AUH: variants seen among roughly 807,000 people sequenced by gnomAD.
The protein encoded by AUH is AU RNA binding methylglutaconyl-CoA hydratase, also known as methylglutaconyl-CoA hydratase, mitochondrial.
AUH carries 29 observed loss-of-function variants against 42.3 expected under a neutral mutation model. That is an observed-to-expected ratio of 0.69 (90% CI 0.51 to 0.93). The LOEUF (loss-of-function observed/expected upper bound fraction) is 0.93. Among genes scored for constraint, AUH ranks in the 40% least tolerant of loss-of-function variants. AUH has a pLI of 0.00. For missense variants in AUH, 452 were observed against 438.1 expected (o/e 1.03, Z -0.28); for synonymous variants, 174 against 166.4 (o/e 1.05, Z -0.35).
Position 91,214,248 on chromosome 9 carries a change from T to C in AUH, c.*100A>G, listed in dbSNP as rs1420706903. The stretch of plus-strand genomic sequence containing the variant: ...CGTATGAATAATCTGCTCTTCACTT[T>C]GGTCATTAAGGTTCCATGTGCTGAG... On this transcript the variant is annotated 3_prime_UTR_variant, in exon 10 of 10. Transcript: ENST00000375731. 3.7e-5 allele frequency: 36 copies of C among 980,600 alleles called. No homozygotes were observed. The Admixed American group carries it at 4.4e-4, about 12-fold the overall frequency. 60.7% of individuals were successfully genotyped at this position (980,600 alleles called of 1,614,324 possible). A position where few individuals can be genotyped will look rare whatever the true frequency, so the allele number is the denominator to read the frequency against.
chr9:91,325,248 G>A (rs1470025510), intron 4 of AUH, 70 bp downstream of exon 4: 12 of 1,234,506 alleles, frequency 9.7e-6, no homozygotes, highest in Non-Finnish European at 1.4e-5. Context: ...TATATATAAT[G>A]TGTAACTTTT....
chr9:91,225,710 C>T (rs1189416919), intron 6 of AUH, among the ~76,000 whole-genome samples: 2 of 138,838 alleles, frequency 1.4e-5, no homozygotes, highest in East Asian at 4.6e-4. Flanking sequence ...CCTCCCCCCA[C>T]CACACCACAG....
intron 6 of AUH, among the ~76,000 whole-genome samples, chr9:91,256,762 G>A (rs189103521): frequency 6.6e-6 from 1 of 152,144 alleles, no homozygotes; most frequent in Admixed American, 6.5e-5. Context: ...GAGAACACTG[G>A]TGGCAACCTG....
intron 4 of AUH, among the ~76,000 whole-genome samples, chr9:91,317,871 C>T (rs544608003): frequency 6.6e-5 from 10 of 152,354 alleles, no homozygotes; most frequent in Admixed American, 1.3e-4. Context: ...CCTCAATCTA[C>T]TGAGATACAC....
At chr9:91,328,076 A>G (rs759573094) in intron 3 of AUH, among the ~76,000 whole-genome samples, 12 of 152,184 alleles carry the variant, frequency 7.9e-5, no homozygotes, top group Non-Finnish European at 1.2e-4. Flanking sequence ...GGGGCAGCAA[A>G]GATTTCTGGC....
chr9:91,307,788 G>T (rs1409838425), intron 4 of AUH, among the ~76,000 whole-genome samples: 1 of 152,106 alleles, frequency 6.6e-6, no homozygotes, highest in Non-Finnish European at 1.5e-5. Context: ...ACAGGGTTTG[G>T]TATCATCTGT....
At chr9:91,222,733 C>T (rs995413599) in intron 6 of AUH, among the ~76,000 whole-genome samples, 2 of 152,100 alleles carry the variant, frequency 1.3e-5, no homozygotes, top group African/African-American at 4.8e-5. Context: ...TATATTTACT[C>T]ATGGAGCTGA....
intron 6 of AUH, among the ~76,000 whole-genome samples, chr9:91,285,655 C>T (rs1826344552): frequency 6.6e-6 from 1 of 152,108 alleles, no homozygotes; most frequent in Admixed American, 6.6e-5. Flanking sequence ...CTAAGTCCTA[C>T]ATAAACCTGT....
At chr9:91,280,926 T>C (rs1217814269) in intron 6 of AUH, among the ~76,000 whole-genome samples, 1 of 152,232 alleles carries the variant, frequency 6.6e-6, no homozygotes, top group African/African-American at 2.4e-5. Context: ...TTGAATTGCC[T>C]GTGCATTTTC....
intron 4 of AUH, among the ~76,000 whole-genome samples, chr9:91,316,238 C>T (rs1829146238): frequency 6.6e-6 from 1 of 151,914 alleles, no homozygotes; most frequent in South Asian, 2.1e-4. Context: ...TTTTTAATGA[C>T]ACAGGGTAGT....
chr9:91,253,927 T>TG (rs1439628115), intron 6 of AUH, among the ~76,000 whole-genome samples: 1 of 152,186 alleles, frequency 6.6e-6, no homozygotes, highest in African/African-American at 2.4e-5. Flanking sequence ...AAATATGTTG[T>TG]GAAAAAATTA....
chr9:91,361,569 C>T, intron 1 of AUH, 59 bp downstream of exon 1: 1 of 1,545,634 alleles, frequency 6.5e-7, no homozygotes, highest in Non-Finnish European at 8.7e-7. Flanking sequence ...CACCTTATGC[C>T]CGTCCTGAGA....
chr9:91,234,856 G>A (rs1828087933), intron 6 of AUH, among the ~76,000 whole-genome samples: 1 of 147,968 alleles, frequency 6.8e-6, no homozygotes, highest in Non-Finnish European at 1.5e-5. Flanking sequence ...CACACTAGAT[G>A]ACTAATTTAG....
intron 3 of AUH, among the ~76,000 whole-genome samples, chr9:91,325,901 T>C (rs377599062): frequency 6.6e-6 from 1 of 152,194 alleles, no homozygotes; most frequent in Non-Finnish European, 1.5e-5. Context: ...GATTACACTT[T>C]GGTCAGTCCT....
chr9:91,316,331 T>C (rs1829154415), intron 4 of AUH, among the ~76,000 whole-genome samples: 1 of 152,214 alleles, frequency 6.6e-6, no homozygotes, highest in Non-Finnish European at 1.5e-5. Context: ...AGAGTGTAGA[T>C]ATATTTCTTA....
At chr9:91,349,679 GACACACAC>G (rs35888854) in intron 3 of AUH, among the ~76,000 whole-genome samples, 70 of 149,180 alleles carry the variant, frequency 4.7e-4, no homozygotes, top group African/African-American at 1.3e-3. Flanking sequence ...CAGAGAGACA[GACACACAC>G]ACACACACAC....
rs548154713 is a variant in AUH, at chr9:91,321,179, G to A, written c.505+4139C>T. On this transcript the variant is annotated intron_variant, in intron 4 of 9. Coordinates refer to ENST00000375731, the MANE Select transcript of AUH (RefSeq NM_001698.3). ...AGGTACAAAAAGAGGTATCCCAGAT[G>A]TGGCTATTTTTAACAATATTCAGCT... 9.9e-5 allele frequency among the ~76,000 whole-genome samples: 15 copies of A among 152,254 alleles called. 1 individual carries two copies. The South Asian group carries it at 3.1e-3, about 32-fold the overall frequency.
At chr9:91,249,210 T>A (rs559850122) in intron 6 of AUH, among the ~76,000 whole-genome samples, 2 of 135,670 alleles carry the variant, frequency 1.5e-5, no homozygotes, top group African/African-American at 5.7e-5. Context: ...GGTGGGGGGA[T>A]CACCTGAGCC....
intron 4 of AUH, among the ~76,000 whole-genome samples, chr9:91,320,732 C>T (rs1829506090): frequency 6.6e-6 from 1 of 152,174 alleles, no homozygotes. Flanking sequence ...TCTCTATACA[C>T]CAATTTTCTG....
Sources: gnomAD v4.1 joint callset for allele counts (sites outside exome capture counted in the v4.1 genomes callset) on GRCh38, gnomAD v4.1.1 for gene constraint, MANE v1.5 for transcripts, NCBI Gene and HGNC (gene_info 2026-07-23, HGNC 2026-07-21) for gene names.